Variants in RIMS1 observed in about 807,000 individuals in gnomAD.
RIMS1 encodes regulating synaptic membrane exocytosis 1, also known as regulating synaptic membrane exocytosis protein 1.
A neutral mutation model predicts 214.1 loss-of-function variants in RIMS1; 83 were observed. The ratio of observed to expected loss-of-function variants is 0.39; its 90% CI spans 0.32 to 0.47. RIMS1 has a LOEUF of 0.47. Among genes scored for constraint, RIMS1 ranks in the 20% least tolerant of loss-of-function variants. The pLI, the probability that RIMS1 is intolerant of heterozygous loss-of-function variation, is 0.99. For missense variants in RIMS1, 2,050 were observed against 2,161.8 expected (o/e 0.95, Z 1.03); for synonymous variants, 793 against 786.8 (o/e 1.01, Z -0.13).
chr6:72,390,289 G>A (rs1039915054), intron 29 of RIMS1, among the ~76,000 whole-genome samples: 1 of 152,154 alleles, frequency 6.6e-6, no homozygotes, highest in Non-Finnish European at 1.5e-5. Context: ...CCACAGAACA[G>A]TTGGGTGCCA....
intron 29 of RIMS1, among the ~76,000 whole-genome samples, chr6:72,368,980 C>T (rs1369039717): frequency 1.3e-5 from 2 of 151,044 alleles, no homozygotes; most frequent in Non-Finnish European, 2.9e-5. Flanking sequence ...AACATGTCAG[C>T]TCATACAGAG....
chr6:72,228,084 C>T (rs2060797532), intron 6 of RIMS1, among the ~76,000 whole-genome samples: 1 of 151,920 alleles, frequency 6.6e-6, no homozygotes, highest in African/African-American at 2.4e-5. Context: ...ACTAGCACCA[C>T]ATTCTGTGCC....
chr6:71,923,941 G>A (rs1485311578), intron 1 of RIMS1, among the ~76,000 whole-genome samples: 1 of 152,108 alleles, frequency 6.6e-6, no homozygotes, highest in Non-Finnish European at 1.5e-5. Flanking sequence ...TTAGAAAAGA[G>A]GGACTGATTC....
rs530836193 is a variant in RIMS1, at chr6:72,068,825, G to GA, written c.246-28123dup. Among the ~76,000 whole-genome samples the GA allele has an allele frequency of 4.5e-4, 69 of 151,870 alleles. No individual in the cohort carries two copies. The Middle Eastern group carries it at 0.01, about 22-fold the overall frequency. ...ACTCGGGAGGCTGAGGCAGGAGAAT[G>GA]ACGTGAACTCGGGAGGCGGAGCTTG... On this transcript the variant is annotated intron_variant, in intron 2 of 33. Transcript: ENST00000521978.
chr6:72,098,484 G>A (rs570507860), intron 3 of RIMS1, among the ~76,000 whole-genome samples: 4 of 151,868 alleles, frequency 2.6e-5, no homozygotes, highest in African/African-American at 7.2e-5. Flanking sequence ...CAGTAGAGAC[G>A]GGGTTTCACC....
chr6:72,076,749 T>C (rs189664478), intron 2 of RIMS1, among the ~76,000 whole-genome samples: 1 of 151,968 alleles, frequency 6.6e-6, no homozygotes, highest in East Asian at 1.9e-4. Flanking sequence ...TACATTGGTG[T>C]GAGGGCTTAA....
chr6:71,978,076 T>C (rs552185586), intron 2 of RIMS1, among the ~76,000 whole-genome samples: 64 of 152,148 alleles, frequency 4.2e-4, no homozygotes, highest in African/African-American at 1.4e-3. Context: ...AGTCATGAAG[T>C]TTTGAAAGCA....
At chr6:72,310,104 T>A (rs1358857945) in intron 27 of RIMS1, among the ~76,000 whole-genome samples, 2 of 152,154 alleles carry the variant, frequency 1.3e-5, no homozygotes, top group Admixed American at 6.5e-5. Context: ...TTTTTTAGTA[T>A]CTTAATCCAT....
At chr6:71,925,473 GA>G (rs543078012) in intron 1 of RIMS1, among the ~76,000 whole-genome samples, 81 of 152,296 alleles carry the variant, frequency 5.3e-4, no homozygotes, top group South Asian at 4.6e-3. Flanking sequence ...AGGCTGATGG[GA>G]AAAATGATTG....
At chr6:71,922,736 C>T (rs1304290549) in intron 1 of RIMS1, among the ~76,000 whole-genome samples, 1 of 152,074 alleles carries the variant, frequency 6.6e-6, no homozygotes, top group Non-Finnish European at 1.5e-5. Flanking sequence ...TAGTTTATTC[C>T]TATGAGAGGA....
intron 2 of RIMS1, among the ~76,000 whole-genome samples, chr6:72,004,640 A>G (rs1450375968): frequency 6.6e-6 from 1 of 151,522 alleles, no homozygotes; most frequent in African/African-American, 2.4e-5. Context: ...GCATTTTTTC[A>G]TGTGTCTTTT....
chr6:72,054,684 T>C (rs1753576), intron 2 of RIMS1, among the ~76,000 whole-genome samples: 86,215 of 152,040 alleles, frequency 0.57, 25,524 homozygotes, highest in African/African-American at 0.76. Context: ...TCAGTGATAA[T>C]GAGCTTTTTT....
rs2038507290 is a variant in RIMS1 at position 72,122,202 on chromosome 6, T to TTTTC, written c.471+22219_471+22220insCTTT. On this transcript the variant is annotated intron_variant, in intron 4 of 33. Transcript: ENST00000521978. ...GTTAGGGAGGATTCCCTCTTTTCCT[T>TTTTC]TTTTCTTTTTTTTTTTTTTTGAGAT... Among the ~76,000 whole-genome samples, 2 of 61,266 alleles carry TTTTC rather than the reference T, an allele frequency of 3.3e-5. 1 individual carries two copies. Among genetic ancestry groups the TTTTC allele is most frequent in the Non-Finnish European group, 7.0e-5 (2 of 28,660 alleles). The allele number at this position is 61,266 out of a possible 152,430, so 40.2% of individuals were successfully genotyped here.
intron 2 of RIMS1, among the ~76,000 whole-genome samples, chr6:71,989,582 A>G (rs1800976536): frequency 6.6e-6 from 1 of 152,242 alleles, no homozygotes; most frequent in South Asian, 2.1e-4. Context: ...TACAAACAAA[A>G]TATTGGCAAA....
chr6:72,023,182 A>G (rs941626488), intron 2 of RIMS1, among the ~76,000 whole-genome samples: 1 of 152,184 alleles, frequency 6.6e-6, no homozygotes, highest in African/African-American at 2.4e-5. Flanking sequence ...AAATTACCCA[A>G]ATCATGCAAA....
intron 23 of RIMS1, among the ~76,000 whole-genome samples, chr6:72,280,259 AC>A (rs1232341592): frequency 6.6e-6 from 1 of 151,958 alleles, no homozygotes; most frequent in African/African-American, 2.4e-5. Context: ...ACCACAGGGA[AC>A]TTAAAGTGGT....
intron 1 of RIMS1, among the ~76,000 whole-genome samples, chr6:71,901,776 T>G (rs1773700798): frequency 6.6e-6 from 1 of 152,164 alleles, no homozygotes; most frequent in East Asian, 1.9e-4. Flanking sequence ...TATTTAAATT[T>G]TACCTGAATC....
At chr6:72,222,935 T>C (rs1405527878) in intron 6 of RIMS1, among the ~76,000 whole-genome samples, 1 of 152,218 alleles carries the variant, frequency 6.6e-6, no homozygotes, top group Non-Finnish European at 1.5e-5. Flanking sequence ...TGAGGGCACA[T>C]AGACTCTTAG....
chr6:71,909,769 ATGC>A (rs1776340149), intron 1 of RIMS1, among the ~76,000 whole-genome samples: 1 of 152,132 alleles, frequency 6.6e-6, no homozygotes, highest in South Asian at 2.1e-4. Flanking sequence ...ATTATTGATA[ATGC>A]TGATAATAAA....
Sources: allele counts gnomAD v4.1 joint callset (sites outside exome capture counted in the v4.1 genomes callset), GRCh38; gene constraint gnomAD v4.1.1; transcripts MANE v1.5; gene names NCBI Gene and HGNC (gene_info 2026-07-23, HGNC 2026-07-21).